Variants in LDLRAP1 observed in about 807,000 individuals in gnomAD.
LDLRAP1 encodes low density lipoprotein receptor adaptor protein 1.
In LDLRAP1, 30 loss-of-function variants were observed where a neutral mutation model predicts 37.8. That is an observed-to-expected ratio of 0.79 (90% confidence interval 0.59 to 1.08). LDLRAP1 has a LOEUF of 1.08. LDLRAP1 is among the 50% of genes least tolerant of loss of function. The pLI is 0.00. For synonymous variants in LDLRAP1, 156 were observed against 169.8 expected, an observed-to-expected ratio of 0.92 and a Z score of 0.63; for missense variants, 375 against 401.6, an observed-to-expected ratio of 0.93 and a Z score of 0.57.
chr1:25,578,268 T>C, the LDLRAP1 span, among the ~76,000 whole-genome samples: 1 of 152,228 alleles, frequency 6.6e-6, no homozygotes, highest in Non-Finnish European at 1.5e-5. Context: ...GAAGTCTTGC[T>C]GATGACTATA....
At chr1:25,571,538 C>G (rs1324633304), downstream of LDLRAP1, among the ~76,000 whole-genome samples, 1 of 152,240 alleles carries the variant, frequency 6.6e-6, no homozygotes. Flanking sequence ...TGCACGGCCC[C>G]TGTGCTTGCA....
chr1:25,565,115 G>C, intron 7 of LDLRAP1, 58 bp from the exon 8 acceptor site: 1 of 1,589,104 alleles, frequency 6.3e-7, no homozygotes, highest in African/African-American at 1.3e-5. Flanking sequence ...ACAAGCCCCA[G>C]CTGTGAGCAT....
chr1:25,550,126 C>T (rs2044039244), intron 1 of LDLRAP1: 1 of 152,268 alleles, frequency 6.6e-6, no homozygotes, highest in Non-Finnish European at 1.5e-5. Context: ...AAGAAAGGCA[C>T]CAACAGCCCG....
At chr1:25,569,432 G>C (rs2044571622), downstream of LDLRAP1, among the ~76,000 whole-genome samples, 1 of 152,130 alleles carries the variant, frequency 6.6e-6, no homozygotes, top group Admixed American at 6.5e-5. Context: ...AGTGTCTTGA[G>C]AGACTCAGGG....
chr1:25,547,339 T>C (rs1055922590), intron 1 of LDLRAP1, among the ~76,000 whole-genome samples: 1 of 151,856 alleles, frequency 6.6e-6, no homozygotes, highest in South Asian at 2.1e-4. Context: ...AAAAATTAGC[T>C]GGGTGGGGTG....
intron 4 of LDLRAP1, 131 bp from the exon 5 acceptor site, chr1:25,562,513 C>T: frequency 2.6e-6 from 2 of 759,246 alleles, no homozygotes; most frequent in Non-Finnish European, 4.6e-6. Flanking sequence ...ATTCCAGAGC[C>T]TGGGATGGAG....
intron 1 of LDLRAP1, among the ~76,000 whole-genome samples, chr1:25,547,609 C>T (rs964269004): frequency 2.0e-5 from 3 of 152,108 alleles, no homozygotes; most frequent in Non-Finnish European, 2.9e-5. Context: ...CTCTTCAGAG[C>T]CGTTCCACTG....
chr1:25,573,682 T>C (rs2044634972), downstream of LDLRAP1, among the ~76,000 whole-genome samples: 1 of 152,184 alleles, frequency 6.6e-6, no homozygotes, highest in Non-Finnish European at 1.5e-5. Context: ...TCGGGAGCTA[T>C]GCCGAGGCTT....
the LDLRAP1 span, among the ~76,000 whole-genome samples, chr1:25,588,322 G>T: frequency 1.3e-5 from 2 of 152,190 alleles, no homozygotes. Flanking sequence ...CCTCTTTGCA[G>T]TTGAGACAAG....
At chr1:25,574,457 A>G in the LDLRAP1 span, among the ~76,000 whole-genome samples, 1 of 152,224 alleles carries the variant, frequency 6.6e-6, no homozygotes, top group Non-Finnish European at 1.5e-5. Flanking sequence ...AGGCAACCCC[A>G]TGTCCTCCTG....
At chr1:25,546,033 C>T (rs1014981104) in intron 1 of LDLRAP1, among the ~76,000 whole-genome samples, 1 of 152,178 alleles carries the variant, frequency 6.6e-6, no homozygotes, top group African/African-American at 2.4e-5. Flanking sequence ...GGGGTCTTAC[C>T]AGTGTGCTTG....
At chr1:25,553,554 A>G (rs1282915955) in intron 1 of LDLRAP1, 1 of 302,472 alleles carries the variant, frequency 3.3e-6, no homozygotes, top group Non-Finnish European at 6.4e-6. Context: ...TTAGCCCTTT[A>G]TTAAAAGTGA....
At chr1:25,551,613 C>T (rs1369106945) in intron 1 of LDLRAP1, among the ~76,000 whole-genome samples, 7 of 152,166 alleles carry the variant, frequency 4.6e-5, no homozygotes, top group Non-Finnish European at 1.0e-4. Context: ...CTGAGTTGCT[C>T]CAGGGCCCCA....
chr1:25,545,205 G>T (rs1273878597), intron 1 of LDLRAP1, among the ~76,000 whole-genome samples: 1 of 152,192 alleles, frequency 6.6e-6, no homozygotes, highest in Non-Finnish European at 1.5e-5. Context: ...AATCCTGCGG[G>T]TTTTCTCCAG....
rs756980694 is a variant in LDLRAP1, at chr1:25,553,936, T to C, written c.103T>C (p.Trp35Arg). Residue 35 changes from tryptophan to arginine, a missense_variant, in exon 2 of 9, where the codon TGG (tryptophan) becomes CGG (arginine). Coordinates refer to ENST00000374338, the MANE Select transcript of LDLRAP1 (RefSeq NM_015627.3). ...GGRHRKLPEN[W>R]TDTRETLLEG... ...TGCTACCCCAGAGCTGCCTGAGAAC[T>C]GGACAGACACGCGGGAGACGCTGCT... is the stretch of plus-strand genomic sequence containing the variant. 2.5e-6 allele frequency: 4 copies of C among 1,613,878 alleles called. No homozygotes were observed. The highest frequency in any genetic ancestry group is 3.4e-6 in the Non-Finnish European group (4 of 1,179,964).
At chr1:25,562,931 C>A (rs12096438) in intron 5 of LDLRAP1, 139 bp from the exon 6 acceptor site, 3 of 906,256 alleles carry the variant, frequency 3.3e-6, no homozygotes. Context: ...AACTGACATC[C>A]GAAAGGTTTC....
the LDLRAP1 span, among the ~76,000 whole-genome samples, chr1:25,579,537 G>T: frequency 3.9e-5 from 6 of 152,234 alleles, no homozygotes; most frequent in Admixed American, 2.6e-4. Context: ...AAAGATAAGA[G>T]AATTGTTTTC....
chr1:25,576,262 C>T, the LDLRAP1 span, among the ~76,000 whole-genome samples: 2 of 151,650 alleles, frequency 1.3e-5, no homozygotes, highest in Admixed American at 1.3e-4. Flanking sequence ...CGTGGTGGCT[C>T]ACGCCTGTAA....
intron 8 of LDLRAP1, among the ~76,000 whole-genome samples, chr1:25,566,027 G>A (rs559126120): frequency 6.6e-6 from 1 of 152,238 alleles, no homozygotes; most frequent in African/African-American, 2.4e-5. Flanking sequence ...TGGGGCGAGG[G>A]CGACAGTGAC....
Sources: allele counts gnomAD v4.1 joint callset (sites outside exome capture counted in the v4.1 genomes callset), GRCh38; gene constraint gnomAD v4.1.1; transcripts MANE v1.5; gene names NCBI Gene and HGNC (gene_info 2026-07-23, HGNC 2026-07-21).